The following TRIP10 variants were observed in gnomAD, a reference collection of about 807,000 sequenced individuals.
TRIP10 encodes cdc42-interacting protein 4.
TRIP10 carries 54 observed loss-of-function variants against 80.9 expected under a neutral mutation model. The observed-to-expected ratio is 0.67, with a 90% confidence interval of 0.54 to 0.84. The LOEUF is 0.84. Among genes scored for constraint, TRIP10 ranks in the 40% least tolerant of loss-of-function variants. The pLI is 0.00. For missense variants in TRIP10, 773 were observed against 815.3 expected, an observed-to-expected ratio of 0.95 and a Z score of 0.63; for synonymous variants, 321 against 307.2, an observed-to-expected ratio of 1.04 and a Z score of -0.47.
In TRIP10 at chr19:6,745,931, C is replaced by G. The variant is rs1023397460; in HGVS notation, c.985-98C>G. The G allele has an allele frequency of 6.4e-6, 8 of 1,248,450 alleles. No individual in the cohort carries two copies. The highest frequency in any genetic ancestry group is 8.1e-6 in the Non-Finnish European group (8 of 985,224). The allele number at this position is 1,248,450 out of a possible 1,614,324, so 77.3% of individuals were successfully genotyped here. ...CTTTTTTTGCGTCCATCCGTCCATC[C>G]GTGCGTCCATCCCTCCGTCCATTCG... On this transcript the variant is annotated intron_variant, in intron 9 of 14. Transcript: ENST00000313244. The surrounding 1 kb of genome is among the most constrained non-coding windows in gnomAD (Gnocchi z 7.2).
intron 11 of TRIP10, among the ~76,000 whole-genome samples, chr19:6,747,487 T>C (rs1969170947): frequency 6.6e-6 from 1 of 152,158 alleles, no homozygotes; most frequent in East Asian, 1.9e-4. Context: ...TTACCTTATT[T>C]ATGATCATAG....
rs1369835760 is a variant in TRIP10, at chr19:6,744,895, C to A, written c.885C>A (p.Pro295=). 3.7e-6 allele frequency: 6 copies of A among 1,614,142 alleles called. No homozygotes were observed. Among genetic ancestry groups the A allele is most frequent in the Non-Finnish European group, 5.1e-6 (6 of 1,180,062 alleles). ...TCAGCCAGCCCATGAACCGTGCACC[C>A]TCCGACAGCAGTCTGGGCACCCCCT... is the stretch of plus-strand genomic sequence containing the variant. ...EDFSQPMNRA[P]SDSSLGTPSD... is the part of the protein sequence containing the mutation. Residue 295 remains proline (P), a synonymous_variant, in exon 9 of 15, where the codon CCC becomes CCA. Transcript: ENST00000313244. The surrounding 1 kb of genome is among the most constrained non-coding windows in gnomAD (Gnocchi z 4.9).
Position 6,743,717 on chromosome 19 carries a change from C to G in TRIP10, c.523C>G (p.Gln175Glu). 1.2e-6 allele frequency: 2 copies of G among 1,614,072 alleles called. No homozygotes were observed. The highest frequency in any genetic ancestry group is 1.7e-6 in the Non-Finnish European group (2 of 1,179,974). Reference sequence around the variant, plus strand: ...CCTCTGCATTCTTCAGGCCAAGCAGCAAGCCCACCTTCGGAGTCACATGGC... The same window carrying G: ...CCTCTGCATTCTTCAGGCCAAGCAGGAAGCCCACCTTCGGAGTCACATGGC... ...TKADVEKAKQ[Q>E]AHLRSHMAEE... Residue 175 changes from glutamine to glutamate, a missense_variant, in exon 7 of 15, where the codon CAA becomes GAA. Gln to Glu is a conservative substitution (Grantham distance 29). Coordinates refer to ENST00000313244, the MANE Select transcript of TRIP10 (RefSeq NM_001288962.2).
At chr19:6,747,353 T>C (rs1969166534) in intron 11 of TRIP10, among the ~76,000 whole-genome samples, 1 of 152,130 alleles carries the variant, frequency 6.6e-6, no homozygotes, top group Non-Finnish European at 1.5e-5. Flanking sequence ...AGTTACTTCT[T>C]GTCTTATACA....
Position 6,745,197 on chromosome 19 carries a change from A to T in TRIP10, c.984+203A>T. Reference sequence around the variant, plus strand: ...AGGCGAAGGCGGGGGCAGGGTGGGGAGGTGGGGAGGTCCGTGGCGTTTGTC... The same window carrying T: ...AGGCGAAGGCGGGGGCAGGGTGGGGTGGTGGGGAGGTCCGTGGCGTTTGTC... On this transcript the variant is annotated intron_variant, in intron 9 of 14. Transcript: ENST00000313244. This position sits in a 1 kb window ranked among gnomAD's most constrained non-coding sequence, Gnocchi z 7.2. 3.1e-6 allele frequency: 2 copies of T among 654,226 alleles called. No homozygotes were observed. The highest frequency in any genetic ancestry group is 4.9e-6 in the Non-Finnish European group (2 of 405,772). 40.5% of individuals were successfully genotyped at this position (654,226 alleles called of 1,614,324 possible).
chr19:6,745,714 A>G lies in TRIP10; in HGVS notation c.985-315A>G, dbSNP rs892724306. The stretch of plus-strand genomic sequence containing the variant: ...GGACCCATGCTTGCTCCCGGACATA[A>G]CATTCCAGAGACCTAGGAGATACCG... On this transcript the variant is annotated intron_variant, in intron 9 of 14. Transcript: ENST00000313244. This position sits in a 1 kb window ranked among gnomAD's most constrained non-coding sequence, Gnocchi z 7.2. The G allele has an allele frequency of 1.0e-6, 1 of 985,044 alleles. No individual in the cohort carries two copies. Among genetic ancestry groups the G allele is most frequent in the African/African-American group, 1.8e-5 (1 of 57,114 alleles). 61.0% of individuals were successfully genotyped at this position (985,044 alleles called of 1,614,324 possible). A position where few individuals can be genotyped will look rare whatever the true frequency, so the allele number is the denominator to read the frequency against.
Position 6,744,080 on chromosome 19 carries a change from T to C in TRIP10, c.642+244T>C, listed in dbSNP as rs1242704419. Among the ~76,000 whole-genome samples the C allele has an allele frequency of 6.7e-6, 1 of 148,610 alleles. No homozygotes were observed. The highest frequency in any genetic ancestry group is 2.6e-5 in the African/African-American group (1 of 38,126). On this transcript the variant is annotated intron_variant, in intron 7 of 14. Transcript: ENST00000313244. This position sits in a 1 kb window ranked among gnomAD's most constrained non-coding sequence, Gnocchi z 4.9. ...CCTGGCTCTGTCACCCGGGCAGGAG[T>C]GCAGTGGCATAATCACAGCTCACTG... is the stretch of plus-strand genomic sequence containing the variant.
In TRIP10 at chr19:6,746,447, T is replaced by C. The variant is rs1178727822; in HGVS notation, c.1153-5T>C. The C allele has an allele frequency of 6.2e-7, 1 of 1,613,896 alleles. No homozygotes were observed. The highest frequency in any genetic ancestry group is 8.5e-7 in the Non-Finnish European group (1 of 1,179,944). On this transcript the variant is annotated splice_polypyrimidine_tract_variant and splice_region_variant and intron_variant, in intron 10 of 14. Transcript: ENST00000313244. This position sits in a 1 kb window ranked among gnomAD's most constrained non-coding sequence, Gnocchi z 6.2. ...CCCAAATTCAGCCCTCTACCCACCT[T>C]GCAGACAGTGGTGACCGAGGATTTT...
intron 11 of TRIP10, among the ~76,000 whole-genome samples, chr19:6,749,601 C>T (rs1209076925): frequency 6.6e-6 from 1 of 152,170 alleles, no homozygotes; most frequent in Non-Finnish European, 1.5e-5. Context: ...GTGGCTCATG[C>T]CTGTAATCCC....
At position 6,746,835 on chromosome 19, in the gene TRIP10, G is replaced by A. The variant is rs931931031; in HGVS notation, c.1262+274G>A. On this transcript the variant is annotated intron_variant, in intron 11 of 14. Coordinates refer to ENST00000313244, the MANE Select transcript of TRIP10 (RefSeq NM_001288962.2). This position sits in a 1 kb window ranked among gnomAD's most constrained non-coding sequence, Gnocchi z 6.2. ...ATTTTTATATTTTTAGTAGAGGCGGGGTTTCCCCATATTAGCCAGGCTGTC... is the reference window on the plus strand; with the variant it reads ...ATTTTTATATTTTTAGTAGAGGCGGAGTTTCCCCATATTAGCCAGGCTGTC... Among the ~76,000 whole-genome samples, 15 of 152,032 alleles carry A rather than the reference G, an allele frequency of 9.9e-5. No homozygotes were observed. Among genetic ancestry groups the A allele is most frequent in the African/African-American group, 3.6e-4 (15 of 41,380 alleles).
In TRIP10 at chr19:6,751,394, C is replaced by G; in HGVS notation, c.*183C>G. On this transcript the variant is annotated 3_prime_UTR_variant, in exon 15 of 15. Transcript: ENST00000313244. The stretch of plus-strand genomic sequence containing the variant: ...CCGGACGGACCCGCTGTGCCTTCTA[C>G]CATCGTTCCACCATTGATGTACATA... 7.5e-7 allele frequency: 1 copy of G among 1,339,848 alleles called. No homozygotes were observed. Among genetic ancestry groups the G allele is most frequent in the East Asian group, 2.9e-5 (1 of 34,038 alleles). 83.0% of individuals were successfully genotyped at this position (1,339,848 alleles called of 1,614,324 possible). A position where few individuals can be genotyped will look rare whatever the true frequency, so the allele number is the denominator to read the frequency against.
chr19:6,743,518 T>C lies in TRIP10; in HGVS notation c.433T>C (p.Cys145Arg), dbSNP rs1251041826. 1 of 1,609,042 alleles carries C rather than the reference T, an allele frequency of 6.2e-7. No homozygotes were observed. The change falls in exon 6 of 15, where the codon TGC becomes CGC. Residue 145 changes from cysteine to arginine, a missense_variant. Cys to Arg is a radical substitution (Grantham distance 180). Coordinates refer to ENST00000313244, the MANE Select transcript of TRIP10 (RefSeq NM_001288962.2). ...GAGTAAGCGTAAATTTGAGCGGGAC[T>C]GCCGGGAGGCAGAGAAGGCAGCCCA... The part of the protein sequence containing the change: ...ENSKRKFERD[C>R]REAEKAAQTA...
intron 11 of TRIP10, among the ~76,000 whole-genome samples, chr19:6,747,079 T>G (rs1470846376): frequency 6.6e-6 from 1 of 152,180 alleles, no homozygotes; most frequent in Non-Finnish European, 1.5e-5. Flanking sequence ...ATCCCAGCAT[T>G]TTGGGAGGTT....
In TRIP10 at chr19:6,745,126, C is replaced by CGGACT; in HGVS notation, c.984+136_984+140dup. On this transcript the variant is annotated intron_variant, in intron 9 of 14. Transcript: ENST00000313244. This position sits in a 1 kb window ranked among gnomAD's most constrained non-coding sequence, Gnocchi z 7.2. ...GGAATTTTCCTCTTGGCTGCCAGCC[C>CGGACT]GGACTGGAGGGAAGGAAGGCGGCCG... 1 of 1,277,252 alleles carries CGGACT rather than the reference C, an allele frequency of 7.8e-7. No homozygotes were observed. The highest frequency in any genetic ancestry group is 2.8e-4 in the Middle Eastern group (1 of 3,578). The allele number at this position is 1,277,252 out of a possible 1,614,324, so 79.1% of individuals were successfully genotyped here.
rs1568251869 is a variant in TRIP10 at position 6,744,524 on chromosome 19, CCT to C, written c.643-29_643-28del. On this transcript the variant is annotated intron_variant, in intron 7 of 14. Coordinates refer to ENST00000313244, the MANE Select transcript of TRIP10 (RefSeq NM_001288962.2). This position sits in a 1 kb window ranked among gnomAD's most constrained non-coding sequence, Gnocchi z 4.9. ...TGCTTCTAGTCCCTCTGTTAGCACC[CCT>C]GAGCCACCCTTGTCCCTGTCCTTAC... 6.2e-7 allele frequency: 1 copy of C among 1,613,344 alleles called. No homozygotes were observed. Among genetic ancestry groups the C allele is most frequent in the Non-Finnish European group, 8.5e-7 (1 of 1,179,986 alleles).
chr19:6,746,513 A>G lies in TRIP10; in HGVS notation c.1214A>G (p.Gln405Arg), dbSNP rs901311261. The change falls in exon 11 of 15, where the codon CAG becomes CGG. Residue 405 changes from glutamine (Q) to arginine (R), a missense_variant. By Grantham distance (43) the Gln-to-Arg change is conservative. Coordinates refer to ENST00000313244, the MANE Select transcript of TRIP10 (RefSeq NM_001288962.2). The surrounding 1 kb of genome is among the most constrained non-coding windows in gnomAD (Gnocchi z 6.2). ...GAGCAGCAGCGAAAACGGCTTCAAC[A>G]GCAGTTGGAAGAACGCAGTCGTGAA... ...PPEQQRKRLQ[Q>R]QLEERSRELQ... 1 of 1,614,202 alleles carries G rather than the reference A, an allele frequency of 6.2e-7. No homozygotes were observed. Among genetic ancestry groups the G allele is most frequent in the Non-Finnish European group, 8.5e-7 (1 of 1,180,026 alleles).
intron 11 of TRIP10, among the ~76,000 whole-genome samples, chr19:6,749,544 G>A (rs778742660): frequency 6.6e-6 from 1 of 152,114 alleles, no homozygotes; most frequent in Non-Finnish European, 1.5e-5. Flanking sequence ...GCTCCTTGAT[G>A]CAAAACCCCT....
Position 6,746,565 on chromosome 19 carries a change from A to G in TRIP10, c.1262+4A>G, listed in dbSNP as rs766046716. 2.5e-6 allele frequency: 4 copies of G among 1,613,020 alleles called. No homozygotes were observed. Among genetic ancestry groups the G allele is most frequent in the Admixed American group, 1.7e-5 (1 of 60,002 alleles). ...TTCAGAAGGAGGTTGACCAGAGGTA[A>G]GGTGGTGGGGTAGGGAAGGACAGGC... is the stretch of plus-strand genomic sequence containing the variant. On this transcript the variant is annotated splice_donor_region_variant and intron_variant, in intron 11 of 14. Transcript: ENST00000313244. The surrounding 1 kb of genome is among the most constrained non-coding windows in gnomAD (Gnocchi z 6.2).
At chr19:6,747,195 G>T (rs1454550061) in intron 11 of TRIP10, among the ~76,000 whole-genome samples, 1 of 152,134 alleles carries the variant, frequency 6.6e-6, no homozygotes, top group Non-Finnish European at 1.5e-5. Flanking sequence ...GTGGTGGTTT[G>T]TGTCTGTAGT....
Sources: gnomAD v4.1 joint callset for allele counts (sites outside exome capture counted in the v4.1 genomes callset) on GRCh38, gnomAD v4.1.1 for gene constraint, Gnocchi (gnomAD v3.1) non-coding constraint, MANE v1.5 for transcripts, NCBI Gene and HGNC (gene_info 2026-07-23, HGNC 2026-07-21) for gene names.